PKN2: variants seen among roughly 807,000 people sequenced by gnomAD.
The protein encoded by PKN2 is protein kinase N2, also known as serine/threonine-protein kinase N2.
A neutral mutation model predicts 119.1 loss-of-function variants in PKN2; 38 were observed. The observed-to-expected ratio is 0.32, with a 90% confidence interval of 0.25 to 0.42. The LOEUF is 0.42. Ranked by LOEUF, PKN2 falls within the 10% of genes least tolerant of loss-of-function variation. PKN2 has a pLI of 1.00. For missense variants in PKN2, 850 were observed against 1,165.1 expected (o/e 0.73, Z 3.94); for synonymous variants, 390 against 384.9 (o/e 1.01, Z -0.15).
intron 2 of PKN2, among the ~76,000 whole-genome samples, chr1:88,758,055 A>C (rs1444395249): frequency 6.6e-6 from 1 of 151,354 alleles, no homozygotes; most frequent in Non-Finnish European, 1.5e-5. Context: ...AAAAAAAAAA[A>C]AAAAAAAAGA....
chr1:88,705,005 A>G (rs1336580667), intron 1 of PKN2, among the ~76,000 whole-genome samples: 1 of 151,952 alleles, frequency 6.6e-6, no homozygotes, highest in Non-Finnish European at 1.5e-5. Flanking sequence ...TCTTTTGTCT[A>G]TTTTTAAAAA....
rs1185435689 is a variant in PKN2 at position 88,833,777 on chromosome 1, A to G, written c.*329A>G. The G allele has an allele frequency of 4.7e-6, 1 of 211,374 alleles. No homozygotes were observed. Among genetic ancestry groups the G allele is most frequent in the Non-Finnish European group, 9.4e-6 (1 of 106,394 alleles). 13.1% of individuals were successfully genotyped at this position (211,374 alleles called of 1,614,324 possible). A position where few individuals can be genotyped will look rare whatever the true frequency, so the allele number is the denominator to read the frequency against. On this transcript the variant is annotated 3_prime_UTR_variant, in exon 22 of 22. Coordinates refer to ENST00000370521, the MANE Select transcript of PKN2 (RefSeq NM_006256.4). ...AAAAAACCACTTTTTTATAGTCCCT[A>G]GCTTTGCCATATGCCCGCCTTAAGT...
chr1:88,798,817 C>T (rs1557619492), intron 8 of PKN2, among the ~76,000 whole-genome samples: 1 of 152,124 alleles, frequency 6.6e-6, no homozygotes, highest in Admixed American at 6.6e-5. Flanking sequence ...GATTTGAGAA[C>T]ATAAGTTCCT....
At chr1:88,812,761 A>C (rs1156898319) in intron 15 of PKN2, among the ~76,000 whole-genome samples, 1 of 152,156 alleles carries the variant, frequency 6.6e-6, no homozygotes, top group Non-Finnish European at 1.5e-5. Flanking sequence ...ACTATAGACA[A>C]TGAAGAGAAC....
At chr1:88,805,764 TC>T in intron 11 of PKN2, 93 bp downstream of exon 11, 3 of 1,598,836 alleles carry the variant, frequency 1.9e-6, no homozygotes, top group Non-Finnish European at 1.7e-6. Context: ...CTTGCTTTTT[TC>T]CCAAGTAGTA....
intron 1 of PKN2, among the ~76,000 whole-genome samples, chr1:88,706,802 G>A (rs1269065298): frequency 6.6e-6 from 1 of 152,026 alleles, no homozygotes; most frequent in Non-Finnish European, 1.5e-5. Flanking sequence ...TTCAGAATAT[G>A]TGCTGATTTC....
chr1:88,827,523 G>A (rs1376125822), intron 18 of PKN2, among the ~76,000 whole-genome samples: 1 of 151,806 alleles, frequency 6.6e-6, no homozygotes, highest in Admixed American at 6.6e-5. Context: ...ATGGCATCAT[G>A]TTGGTGCCCA....
intron 12 of PKN2, among the ~76,000 whole-genome samples, chr1:88,806,997 C>T (rs577682731): frequency 1.3e-5 from 2 of 152,212 alleles, no homozygotes; most frequent in South Asian, 2.1e-4. Context: ...GGATTACAGG[C>T]ATGAGCCACC....
At chr1:88,743,457 T>C (rs1336110688) in intron 2 of PKN2, among the ~76,000 whole-genome samples, 1 of 152,174 alleles carries the variant, frequency 6.6e-6, no homozygotes, top group Non-Finnish European at 1.5e-5. Context: ...TATAAAGAAA[T>C]TACCTCCTTT....
At chr1:88,700,326 A>G (rs1274376433) in intron 1 of PKN2, among the ~76,000 whole-genome samples, 2 of 152,128 alleles carry the variant, frequency 1.3e-5, no homozygotes, top group Admixed American at 1.3e-4. Context: ...GAATTGCCAC[A>G]CTGTCTTCCA....
At chr1:88,746,366 T>G (rs1330413726) in intron 2 of PKN2, among the ~76,000 whole-genome samples, 1 of 152,018 alleles carries the variant, frequency 6.6e-6, no homozygotes, top group African/African-American at 2.4e-5. Context: ...ATAAATTATA[T>G]ATTGGATAAG....
At chr1:88,828,355 G>T in intron 18 of PKN2, 126 bp from the exon 19 acceptor site, 1 of 700,166 alleles carries the variant, frequency 1.4e-6, no homozygotes, top group East Asian at 2.7e-5. Context: ...TCTTAGATAT[G>T]TCTGAATTTG....
intron 6 of PKN2, among the ~76,000 whole-genome samples, chr1:88,780,546 ATCT>A (rs1311993869): frequency 9.2e-5 from 14 of 152,264 alleles, no homozygotes; most frequent in African/African-American, 2.6e-4. Context: ...CTTAGTATTC[ATCT>A]TCTTATATGT....
At chr1:88,720,814 G>A (rs1057460379) in intron 1 of PKN2, among the ~76,000 whole-genome samples, 3 of 152,102 alleles carry the variant, frequency 2.0e-5, no homozygotes, top group Non-Finnish European at 4.4e-5. Context: ...AAAGTCCATT[G>A]TATCATTCTT....
chr1:88,773,256 CAG>C lies in PKN2; in HGVS notation c.985+1380_985+1381del, dbSNP rs148728176. 3.2e-3 allele frequency among the ~76,000 whole-genome samples: 478 copies of C among 150,748 alleles called. 3 individuals are homozygous for C. Among genetic ancestry groups the C allele is most frequent in the African/African-American group, 0.011 (445 of 40,794 alleles). ...TTTTTTTAATTCATTTTTATTGAGACAGAGTCTCACTCTCATTGCAGCCTCCC... is the reference window on the plus strand; with the variant it reads ...TTTTTTTAATTCATTTTTATTGAGACAGTCTCACTCTCATTGCAGCCTCCC... On this transcript the variant is annotated intron_variant, in intron 6 of 21. Coordinates refer to ENST00000370521, the MANE Select transcript of PKN2 (RefSeq NM_006256.4).
intron 18 of PKN2, among the ~76,000 whole-genome samples, chr1:88,825,967 T>C (rs984788587): frequency 1.3e-5 from 2 of 152,200 alleles, no homozygotes; most frequent in Non-Finnish European, 2.9e-5. Flanking sequence ...CTCTATTTGC[T>C]GACTAACATC....
At chr1:88,752,538 T>G (rs533493823) in intron 2 of PKN2, among the ~76,000 whole-genome samples, 32 of 152,236 alleles carry the variant, frequency 2.1e-4, no homozygotes, top group Admixed American at 8.5e-4. Flanking sequence ...TTTGCTATAT[T>G]TTTAAAAAAT....
At position 88,833,951 on chromosome 1, in the gene PKN2, G is replaced by T. The variant is rs576632461; in HGVS notation, c.*503G>T. 1 of 151,480 alleles carries T rather than the reference G, an allele frequency of 6.6e-6. No homozygotes were observed. Among genetic ancestry groups the T allele is most frequent in the African/African-American group, 2.4e-5 (1 of 41,178 alleles). 9.4% of individuals were successfully genotyped at this position (151,480 alleles called of 1,614,324 possible). ...AGACATTACTGTAATATCAAAAACC[G>T]TGGCAGTTTGTATACAACTCGGGGC... On this transcript the variant is annotated 3_prime_UTR_variant, in exon 22 of 22. Coordinates refer to ENST00000370521, the MANE Select transcript of PKN2 (RefSeq NM_006256.4).
At chr1:88,805,416 T>C in intron 10 of PKN2, 81 bp from the exon 11 acceptor site, 1 of 1,223,766 alleles carries the variant, frequency 8.2e-7, no homozygotes, top group Non-Finnish European at 1.1e-6. Context: ...TATAAACTAA[T>C]GGATAAGAAT....
Sources: gnomAD v4.1 joint callset for allele counts (sites outside exome capture counted in the v4.1 genomes callset) on GRCh38, gnomAD v4.1.1 for gene constraint, MANE v1.5 for transcripts, NCBI Gene and HGNC (gene_info 2026-07-23, HGNC 2026-07-21) for gene names.